MADD: variants seen among roughly 807,000 people sequenced by gnomAD.
The protein encoded by MADD is MAP kinase activating death domain, also known as MAP kinase-activating death domain protein.
Under a neutral mutation model 176.7 loss-of-function variants are expected in MADD, and 109 were observed. The ratio of observed to expected loss-of-function variants is 0.62; its 90% CI spans 0.53 to 0.72. The LOEUF is 0.72. MADD is among the 30% of genes least tolerant of loss of function. MADD has a pLI of 0.00. For synonymous variants in MADD, 771 were observed against 771.3 expected (o/e 1.00, Z 0.01); for missense variants, 1,914 against 2,045.5 (o/e 0.94, Z 1.24).
chr11:47,316,572 T>TAAATACAAA (rs1329499013), intron 27 of MADD, among the ~76,000 whole-genome samples: 30 of 151,124 alleles, frequency 2.0e-4, no homozygotes, highest in Admixed American at 1.7e-3. Flanking sequence ...GTATTTTTAG[T>TAAATACAAA]AGGGATGGGG....
chr11:47,289,881 TC>T lies in MADD; in HGVS notation c.2773del (p.Leu925Ter). 2 of 1,613,682 alleles carry T rather than the reference TC, an allele frequency of 1.2e-6. No individual in the cohort carries two copies. The highest frequency in any genetic ancestry group is 1.7e-6 in the Non-Finnish European group (2 of 1,179,982). On this transcript the variant is annotated frameshift_variant, in exon 17 of 33. Coordinates refer to ENST00000402192, the Ensembl canonical transcript of MADD. LOFTEE classifies it high-confidence loss of function. ...GGACCCTGTAGTGAGAACCAGCAGT[TC>T]CTGAAGGAGGTGGTGCACAGCGTGC...
At chr11:47,291,807 A>G (rs1457831005) in intron 19 of MADD, among the ~76,000 whole-genome samples, 1 of 152,238 alleles carries the variant, frequency 6.6e-6, no homozygotes, top group Non-Finnish European at 1.5e-5. Flanking sequence ...CATCTGGGAA[A>G]TGAGGAAATC....
chr11:47,308,587 C>T lies in MADD; in HGVS notation c.3643-4C>T. Reference sequence around the variant, plus strand: ...GCCACTGACCTATCACCTCTTCTCTCTAGGGTAAAGCCCACAGCTTGAAGC... The same window carrying T: ...GCCACTGACCTATCACCTCTTCTCTTTAGGGTAAAGCCCACAGCTTGAAGC... On this transcript the variant is annotated splice_polypyrimidine_tract_variant and splice_region_variant and intron_variant, in intron 22 of 32. Coordinates refer to ENST00000402192, the Ensembl canonical transcript of MADD. The T allele has an allele frequency of 6.2e-7, 1 of 1,612,868 alleles. No homozygotes were observed. The highest frequency in any genetic ancestry group is 8.5e-7 in the Non-Finnish European group (1 of 1,179,136).
At chr11:47,299,447 G>A (rs1017308594) in intron 22 of MADD, among the ~76,000 whole-genome samples, 1 of 151,846 alleles carries the variant, frequency 6.6e-6, no homozygotes. Flanking sequence ...TCGTAAATGA[G>A]ATTGCCTTCT....
At chr11:47,285,422 G>C in intron 13 of MADD, 29 bp from the exon 14 acceptor site, 1 of 1,613,500 alleles carries the variant, frequency 6.2e-7, no homozygotes, top group Non-Finnish European at 8.5e-7. Context: ...CCCCTGCCTG[G>C]GGATCATAGG....
chr11:47,291,809 G>A (rs891880214), intron 19 of MADD, among the ~76,000 whole-genome samples: 3 of 152,216 alleles, frequency 2.0e-5, no homozygotes, highest in Non-Finnish European at 2.9e-5. Context: ...TCTGGGAAAT[G>A]AGGAAATCAT....
chr11:47,292,729 T>A (rs1348241978), intron 19 of MADD, 133 bp downstream of exon 21: 2 of 798,826 alleles, frequency 2.5e-6, no homozygotes, highest in Non-Finnish European at 4.3e-6. Context: ...TGGCAGCAGG[T>A]AGGTAGCATG....
chr11:47,328,646 G>C lies in MADD; in HGVS notation c.4613-12G>C. The stretch of plus-strand genomic sequence containing the variant: ...GAACTTTCTGTTTTGTCTCTTGCCC[G>C]TCCGGTTTTAGTTCCTGAAATTAAA... On this transcript the variant is annotated splice_polypyrimidine_tract_variant and intron_variant, in intron 31 of 32. Transcript: ENST00000402192. 1.2e-6 allele frequency: 2 copies of C among 1,614,204 alleles called. No homozygotes were observed. Among genetic ancestry groups the C allele is most frequent in the Non-Finnish European group, 1.7e-6 (2 of 1,180,028 alleles).
intron 22 of MADD, among the ~76,000 whole-genome samples, chr11:47,302,828 G>T (rs552191744): frequency 2.0e-5 from 3 of 151,956 alleles, no homozygotes; most frequent in Non-Finnish European, 4.4e-5. Context: ...TATGTCCTTT[G>T]TTTCTTCCTC....
intron 15 of MADD, 136 bp downstream of exon 16, chr11:47,289,163 A>G (rs2063182369): frequency 4.3e-6 from 4 of 926,364 alleles, no homozygotes; most frequent in South Asian, 3.2e-5. Context: ...CGTGACGCCC[A>G]TGCTTGCCCA....
At chr11:47,312,776 T>C (rs182737826) in intron 26 of MADD, among the ~76,000 whole-genome samples, 48 of 152,338 alleles carry the variant, frequency 3.2e-4, no homozygotes, top group Admixed American at 2.3e-3. Flanking sequence ...TGCTTGTAAA[T>C]GTCCTTGAAG....
intron 27 of MADD, among the ~76,000 whole-genome samples, chr11:47,320,172 T>C (rs186388082): frequency 1.3e-5 from 2 of 151,600 alleles, no homozygotes; most frequent in Non-Finnish European, 2.9e-5. Flanking sequence ...AAAATATTAC[T>C]CATGCTGGGT....
chr11:47,274,117 G>T, intron 2 of MADD, 141 bp downstream of exon 2: 1 of 783,552 alleles, frequency 1.3e-6, no homozygotes, highest in East Asian at 2.7e-5. Flanking sequence ...ATCGAAGCCA[G>T]TAGGGAAAAA....
At position 47,327,433 on chromosome 11, in the gene MADD, G is replaced by A. The variant is rs531017042; in HGVS notation, c.4612+626G>A. 9.1e-6 allele frequency: 9 copies of A among 985,364 alleles called. No individual in the cohort carries two copies. The East Asian group carries it at 4.5e-4, about 50-fold the overall frequency. 61.0% of individuals were successfully genotyped at this position (985,364 alleles called of 1,614,324 possible). A position where few individuals can be genotyped will look rare whatever the true frequency, so the allele number is the denominator to read the frequency against. ...CCTCATCGCTGCTATGAAAACCTTCGTTCTCCAGCAGGTAAAGTGACCTCG... is the reference window on the plus strand; with the variant it reads ...CCTCATCGCTGCTATGAAAACCTTCATTCTCCAGCAGGTAAAGTGACCTCG... On this transcript the variant is annotated intron_variant, in intron 31 of 32. Transcript: ENST00000402192.
chr11:47,305,695 T>TG (rs2082087981), intron 22 of MADD, among the ~76,000 whole-genome samples: 1 of 152,020 alleles, frequency 6.6e-6, no homozygotes, highest in Non-Finnish European at 1.5e-5. Flanking sequence ...ATTTGGGCCC[T>TG]GGGGGTCAGG....
exon 23 of MADD, chr11:47,308,661 A>G: frequency 2.5e-6 from 4 of 1,614,126 alleles, no homozygotes; most frequent in Non-Finnish European, 3.4e-6. Context: ...ACTTCTGAAG[A>G]TGTGAGCCAG....
At chr11:47,274,508 T>C in intron 2 of MADD, 55 bp from the exon 3 acceptor site, 1 of 1,398,050 alleles carries the variant, frequency 7.2e-7, no homozygotes, top group Non-Finnish European at 9.9e-7. Context: ...GTGGTTAAAA[T>C]TTGATAGCCC....
intron 22 of MADD, among the ~76,000 whole-genome samples, chr11:47,306,845 A>C (rs1296375749): frequency 6.6e-6 from 1 of 150,434 alleles, no homozygotes; most frequent in Non-Finnish European, 1.5e-5. Flanking sequence ...TGCTGACATT[A>C]CTCCCCTAGG....
intron 13 of MADD, 95 bp downstream of exon 13, chr11:47,285,289 A>C: frequency 6.4e-7 from 1 of 1,560,678 alleles, no homozygotes; most frequent in Non-Finnish European, 8.7e-7. Flanking sequence ...GAGAAGTCTG[A>C]ATGCTCTCGT....
Sources: allele counts gnomAD v4.1 joint callset (sites outside exome capture counted in the v4.1 genomes callset), GRCh38; gene constraint gnomAD v4.1.1; transcripts MANE v1.5; gene names NCBI Gene and HGNC (gene_info 2026-07-23, HGNC 2026-07-21).